The following PXDN variants were observed in gnomAD, a reference collection of about 807,000 sequenced individuals.
PXDN encodes the protein peroxidasin.
In PXDN, 77 loss-of-function variants were observed where a neutral mutation model predicts 140.3. The observed-to-expected ratio is 0.55, with a 90% CI of 0.46 to 0.66. The LOEUF is 0.66. Among genes scored for constraint, PXDN ranks in the 30% least tolerant of loss-of-function variants. The pLI is 0.00. For synonymous variants in PXDN, 911 were observed against 857.4 expected, an observed-to-expected ratio of 1.06 and a Z score of -1.09; for missense variants, 1,838 against 2,039.5, an observed-to-expected ratio of 0.90 and a Z score of 1.90.
At chr2:1,718,370 A>T (rs1436946377) in intron 1 of PXDN, among the ~76,000 whole-genome samples, 1 of 152,088 alleles carries the variant, frequency 6.6e-6, no homozygotes, top group Non-Finnish European at 1.5e-5. Flanking sequence ...AACCTACTCT[A>T]CTAACTTACC....
intron 17 of PXDN, among the ~76,000 whole-genome samples, chr2:1,646,954 A>AG (rs200537476): frequency 0.01 from 1,550 of 152,276 alleles, 23 homozygotes; most frequent in African/African-American, 0.036. Flanking sequence ...GGAGTGCAGT[A>AG]GCGTGATCTC....
intron 1 of PXDN, 31 bp from the exon 2 acceptor site, chr2:1,693,165 T>C (rs1008365602): frequency 5.4e-6 from 8 of 1,484,940 alleles, no homozygotes; most frequent in Non-Finnish European, 7.3e-6. Context: ...TATTATTACG[T>C]GAAAAAAAAT....
In PXDN at chr2:1,693,049, A is replaced by G. The variant is rs1226255289; in HGVS notation, c.272+14T>C. The G allele has an allele frequency of 6.6e-6, 10 of 1,524,256 alleles. 1 individual carries two copies. The South Asian group carries it at 1.2e-4, about 18-fold the overall frequency. The allele number at this position is 1,524,256 out of a possible 1,614,324, so 94.4% of individuals were successfully genotyped here. A position where few individuals can be genotyped will look rare whatever the true frequency, so the allele number is the denominator to read the frequency against. ...TATTTTTCTATTAGTTTCCAATAGA[A>G]TATTTCCACTCACAATGTGTTCAAG... is the stretch of plus-strand genomic sequence containing the variant. On this transcript the variant is annotated intron_variant, in intron 2 of 22. Transcript: ENST00000252804.
At chr2:1,672,997 C>G (rs1256100794) in intron 9 of PXDN, among the ~76,000 whole-genome samples, 3 of 152,250 alleles carry the variant, frequency 2.0e-5, no homozygotes, top group Admixed American at 6.5e-5. Flanking sequence ...TTTCCCAGAG[C>G]CATGGTGGGT....
chr2:1,703,357 GA>G (rs1304124778), intron 1 of PXDN, among the ~76,000 whole-genome samples: 1 of 24,794 alleles, frequency 4.0e-5, no homozygotes, highest in African/African-American at 2.4e-4. Context: ...TGAAGGGGGG[GA>G]CAGCTCCAGG....
chr2:1,724,053 G>A (rs1272342128), intron 1 of PXDN, among the ~76,000 whole-genome samples: 1 of 152,208 alleles, frequency 6.6e-6, no homozygotes, highest in Non-Finnish European at 1.5e-5. Flanking sequence ...TAAATTTAAT[G>A]ACAAGGACTT....
chr2:1,738,302 T>C (rs1292120543), intron 1 of PXDN, among the ~76,000 whole-genome samples: 2 of 152,168 alleles, frequency 1.3e-5, no homozygotes, highest in Admixed American at 6.5e-5. Flanking sequence ...AGGCCAGCAT[T>C]AGCTTCTCAG....
rs759109827 is a variant in PXDN, at chr2:1,638,991, G to C, written c.4074-13C>G. The C allele has an allele frequency of 6.2e-7, 1 of 1,613,388 alleles. No individual in the cohort carries two copies. Among genetic ancestry groups the C allele is most frequent in the South Asian group, 1.1e-5 (1 of 91,082 alleles). On this transcript the variant is annotated splice_polypyrimidine_tract_variant and intron_variant, in intron 20 of 22. Transcript: ENST00000252804. ...CTGTCTCCCAACACTGTGGTGAGGG[G>C]AAAGGAGGAGGAGGGAAATATAACC...
chr2:1,648,025 TC>T lies in PXDN; in HGVS notation c.3608+146del. Reference sequence around the variant, plus strand: ...AGCCACGGGAGGCTGCAGGTTCCCATCTTGACCTTCATGGACTTGACCTTCA... The same window carrying T: ...AGCCACGGGAGGCTGCAGGTTCCCATTTGACCTTCATGGACTTGACCTTCA... On this transcript the variant is annotated intron_variant, in intron 17 of 22. Coordinates refer to ENST00000252804, the MANE Select transcript of PXDN (RefSeq NM_012293.3). The surrounding 1 kb of genome is among the most constrained non-coding windows in gnomAD (Gnocchi z 8.9). 2 of 1,194,680 alleles carry T rather than the reference TC, an allele frequency of 1.7e-6. No individual in the cohort carries two copies. The allele number at this position is 1,194,680 out of a possible 1,614,324, so 74.0% of individuals were successfully genotyped here.
chr2:1,685,985 C>G lies in PXDN; in HGVS notation c.416+1647G>C, dbSNP rs1332596231. ...GCCTTCTTTCTGGATCAGGGACACT[C>G]AGATCCCCCTGGACTGCATCCGGGC... is the stretch of plus-strand genomic sequence containing the variant. On this transcript the variant is annotated intron_variant, in intron 4 of 22. Transcript: ENST00000252804. The surrounding 1 kb of genome is among the most constrained non-coding windows in gnomAD (Gnocchi z 5.1). 6.6e-6 allele frequency among the ~76,000 whole-genome samples: 1 copy of G among 152,222 alleles called. No individual in the cohort carries two copies. The highest frequency in any genetic ancestry group is 2.1e-4 in the South Asian group (1 of 4,830).
At chr2:1,706,334 T>G (rs1369889617) in intron 1 of PXDN, among the ~76,000 whole-genome samples, 1 of 152,196 alleles carries the variant, frequency 6.6e-6, no homozygotes, top group Non-Finnish European at 1.5e-5. Flanking sequence ...GCAAGTGCAG[T>G]AACAACTGTT....
Position 1,638,831 on chromosome 2 carries a change from C to A in PXDN, c.4206+15G>T. 1 of 1,613,880 alleles carries A rather than the reference C, an allele frequency of 6.2e-7. No homozygotes were observed. The highest frequency in any genetic ancestry group is 1.3e-5 in the African/African-American group (1 of 75,052). ...AATCTTGGAGTGGGGGGACACAGGC[C>A]GCCAGGCACCTCACCTGTGTTCTGA... On this transcript the variant is annotated intron_variant, in intron 21 of 22. Coordinates refer to ENST00000252804, the MANE Select transcript of PXDN (RefSeq NM_012293.3).
intron 1 of PXDN, among the ~76,000 whole-genome samples, chr2:1,743,262 C>T (rs1685589207): frequency 6.6e-6 from 1 of 152,198 alleles, no homozygotes; most frequent in South Asian, 2.1e-4. Flanking sequence ...GCAACGCATC[C>T]GGTTAAACGT....
chr2:1,681,667 C>G (rs1321989599), intron 6 of PXDN, among the ~76,000 whole-genome samples: 1 of 152,116 alleles, frequency 6.6e-6, no homozygotes, highest in African/African-American at 2.4e-5. Context: ...CACCCTTTCC[C>G]CCGTGAGCAG....
At position 1,684,179 on chromosome 2, in the gene PXDN, T is replaced by C. The variant is rs1308051642; in HGVS notation, c.417-28A>G. 3 of 1,526,880 alleles carry C rather than the reference T, an allele frequency of 2.0e-6. No homozygotes were observed. In the African/African-American group the frequency reaches 4.1e-5, roughly 21 times the overall value. 94.6% of individuals were successfully genotyped at this position (1,526,880 alleles called of 1,614,324 possible). A position where few individuals can be genotyped will look rare whatever the true frequency, so the allele number is the denominator to read the frequency against. ...AGAGGAGTTAAAAGAAAAAAAAGTATAACTTACAATTTATTTTCTTAGATC... is the reference window on the plus strand; with the variant it reads ...AGAGGAGTTAAAAGAAAAAAAAGTACAACTTACAATTTATTTTCTTAGATC... On this transcript the variant is annotated intron_variant, in intron 4 of 22. Transcript: ENST00000252804.
chr2:1,684,087 C>G lies in PXDN; in HGVS notation c.481G>C (p.Glu161Gln), dbSNP rs151054868. 6 of 1,580,872 alleles carry G rather than the reference C, an allele frequency of 3.8e-6. No homozygotes were observed. The East Asian group carries it at 1.4e-4, about 36-fold the overall frequency. Residue 161 changes from glutamate to glutamine, a missense_variant, in exon 5 of 23, where the codon GAG becomes CAG. Glu to Gln is a conservative substitution (Grantham distance 29). Coordinates refer to ENST00000252804, the MANE Select transcript of PXDN (RefSeq NM_012293.3). ...PDSFQHLPKL[E>Q]RLFLHNNRIT... The stretch of plus-strand genomic sequence containing the variant: ...GAACAACACACAACTCACAGCCTCT[C>G]GAGCTTCGGGAGATGCTGGAACGAA...
At chr2:1,683,945 T>C (rs1313932122) in intron 5 of PXDN, 135 bp downstream of exon 5, 2 of 1,001,358 alleles carry the variant, frequency 2.0e-6, no homozygotes, top group East Asian at 5.3e-5. Context: ...ATTTCCAAAT[T>C]GTTAGACTAG....
chr2:1,724,298 A>C (rs1202162884), intron 1 of PXDN, among the ~76,000 whole-genome samples: 3 of 146,118 alleles, frequency 2.1e-5, no homozygotes, highest in Non-Finnish European at 4.5e-5. Flanking sequence ...TATTTAAAGT[A>C]AGTCTGAATT....
At chr2:1,650,084 G>A (rs1453677333) in intron 16 of PXDN, among the ~76,000 whole-genome samples, 2 of 152,136 alleles carry the variant, frequency 1.3e-5, no homozygotes, top group Non-Finnish European at 2.9e-5. Flanking sequence ...CTCCACACGA[G>A]TGCACACCAT....
Sources: gnomAD v4.1 joint callset for allele counts (sites outside exome capture counted in the v4.1 genomes callset) on GRCh38, gnomAD v4.1.1 for gene constraint, Gnocchi (gnomAD v3.1) non-coding constraint, MANE v1.5 for transcripts, NCBI Gene and HGNC (gene_info 2026-07-23, HGNC 2026-07-21) for gene names.